Variants in KLHL1 observed in about 807,000 individuals in gnomAD.
KLHL1 encodes the protein kelch-like protein 1.
KLHL1 carries 47 observed loss-of-function variants against 77.7 expected under a neutral mutation model. The ratio of observed to expected loss-of-function variants is 0.60; its 90% CI spans 0.48 to 0.77. The LOEUF is 0.77. Ranked by LOEUF, KLHL1 falls within the 30% of genes least tolerant of loss-of-function variation. KLHL1 has a pLI of 0.00. For synonymous variants in KLHL1, 360 were observed against 325.2 expected (o/e 1.11, Z -1.15); for missense variants, 925 against 910.8 (o/e 1.02, Z -0.20).
intron 1 of KLHL1, among the ~76,000 whole-genome samples, chr13:70,057,440 CCT>C (rs1411224857): frequency 7.0e-6 from 1 of 142,846 alleles, no homozygotes; most frequent in Non-Finnish European, 1.5e-5. Flanking sequence ...GCCAGTATGC[CCT>C]GATATCATAA....
Position 70,072,446 on chromosome 13 carries a change from G to T in KLHL1, c.497+34757C>A, listed in dbSNP as rs117307682. Among the ~76,000 whole-genome samples, 932 of 152,154 alleles carry T rather than the reference G, an allele frequency of 6.1e-3. 9 individuals are homozygous for T. The highest frequency in any genetic ancestry group is 0.011 in the Non-Finnish European group (727 of 68,024). On this transcript the variant is annotated intron_variant, in intron 1 of 10. Transcript: ENST00000377844. The stretch of plus-strand genomic sequence containing the variant: ...TCTAATCATTCTGTGAAGTCATGAG[G>T]TCAGTATCCCAGTAAAACCAAAACC...
In KLHL1 at chr13:69,719,537, G is replaced by C; in HGVS notation, c.1847C>G (p.Ser616Ter). The C allele has an allele frequency of 6.2e-7, 1 of 1,613,138 alleles. No homozygotes were observed. The highest frequency in any genetic ancestry group is 8.5e-7 in the Non-Finnish European group (1 of 1,179,554). ...GGRDGSSCLSSMEYYDPHTNK... is the reference protein window; with the variant it reads ...GGRDGSSCLS ...TGTATGAGGATCATAATATTCCATT[G>C]AACTCAAACAGGAACTTCCATCACG... The change falls in exon 9 of 11, where the codon TCA becomes TGA. Residue 616 changes from serine to a stop codon, truncating the protein, a stop_gained. Coordinates refer to ENST00000377844, the MANE Select transcript of KLHL1 (RefSeq NM_020866.3). LOFTEE classifies it high-confidence loss of function.
intron 8 of KLHL1, among the ~76,000 whole-genome samples, chr13:69,730,833 G>T (rs1873511624): frequency 6.6e-6 from 1 of 152,040 alleles, no homozygotes; most frequent in African/African-American, 2.4e-5. Context: ...TCTCACCTCG[G>T]CCTCCCAAAA....
chr13:69,997,869 G>C (rs1010811777), intron 1 of KLHL1, among the ~76,000 whole-genome samples: 1 of 149,894 alleles, frequency 6.7e-6, no homozygotes, highest in Non-Finnish European at 1.5e-5. Context: ...TAGATATTTA[G>C]GTGTTTCCAT....
intron 6 of KLHL1, among the ~76,000 whole-genome samples, chr13:69,835,285 C>G (rs1218711761): frequency 6.6e-6 from 1 of 152,034 alleles, no homozygotes; most frequent in African/African-American, 2.4e-5. Context: ...TACCAGCCCA[C>G]CTGGGCAAAT....
rs142809901 is a variant in KLHL1, at chr13:69,709,798, T to C, written c.2016-2002A>G. On this transcript the variant is annotated intron_variant, in intron 9 of 10. Transcript: ENST00000377844. ...AATGGATGAAACAATAAGAACAAAT[T>C]TGTGATCGTTGTTGAAGCAGGGTAA... 6.8e-3 allele frequency among the ~76,000 whole-genome samples: 1,031 copies of C among 151,870 alleles called. 2 individuals carry two copies. Among genetic ancestry groups the C allele is most frequent in the Non-Finnish European group, 0.011 (721 of 67,858 alleles).
intron 6 of KLHL1, among the ~76,000 whole-genome samples, chr13:69,800,309 T>C (rs940058458): frequency 1.3e-5 from 2 of 152,176 alleles, no homozygotes; most frequent in Non-Finnish European, 2.9e-5. Context: ...ACTCTTTCTG[T>C]GTAACATAAC....
chr13:69,812,374 G>T (rs1316736404), intron 6 of KLHL1, among the ~76,000 whole-genome samples: 1 of 152,100 alleles, frequency 6.6e-6, no homozygotes, highest in South Asian at 2.1e-4. Context: ...AAAAATCCTA[G>T]AAGAAAACCT....
intron 6 of KLHL1, among the ~76,000 whole-genome samples, chr13:69,805,702 AC>A (rs999023377): frequency 4.6e-5 from 7 of 151,508 alleles, no homozygotes; most frequent in Admixed American, 6.6e-5. Context: ...AAAAAAAAAA[AC>A]AAAACAACAC....
rs111615081 is a variant in KLHL1, at chr13:69,897,085, C to A, written c.1015-14590G>T. The stretch of plus-strand genomic sequence containing the variant: ...TAGTGGTATTATCTAGTCAACCGAA[C>A]CCCTTGAAAGGATACCTGATAATTT... On this transcript the variant is annotated intron_variant, in intron 4 of 10. Coordinates refer to ENST00000377844, the MANE Select transcript of KLHL1 (RefSeq NM_020866.3). Among the ~76,000 whole-genome samples the A allele has an allele frequency of 8.1e-3, 1,235 of 152,118 alleles. 23 individuals carry two copies. Among genetic ancestry groups the A allele is most frequent in the African/African-American group, 0.028 (1,179 of 41,486 alleles).
At position 70,026,808 on chromosome 13, in the gene KLHL1, T is replaced by C. The variant is rs138286955; in HGVS notation, c.498-51006A>G. ...TGATAAAGAGGCAGAATCTGAACTG[T>C]ATGTTAATGGATAAAATATAGTGAA... On this transcript the variant is annotated intron_variant, in intron 1 of 10. Coordinates refer to ENST00000377844, the MANE Select transcript of KLHL1 (RefSeq NM_020866.3). Among the ~76,000 whole-genome samples the C allele has an allele frequency of 2.0e-5, 3 of 151,690 alleles. No individual in the cohort carries two copies. In the East Asian group the frequency reaches 5.8e-4, roughly 30 times the overall value.
intron 7 of KLHL1, among the ~76,000 whole-genome samples, chr13:69,763,707 G>T (rs1205841832): frequency 6.6e-6 from 1 of 152,150 alleles, no homozygotes; most frequent in Non-Finnish European, 1.5e-5. Flanking sequence ...ACAAAATGAT[G>T]GGAAGCCAAT....
chr13:69,974,426 A>G (rs1203453442), intron 2 of KLHL1, among the ~76,000 whole-genome samples: 1 of 151,594 alleles, frequency 6.6e-6, no homozygotes, highest in Admixed American at 6.6e-5. Flanking sequence ...ACTAATGTAT[A>G]TAAACAGTAA....
At chr13:69,858,274 CT>C (rs931030727) in intron 5 of KLHL1, among the ~76,000 whole-genome samples, 2 of 152,056 alleles carry the variant, frequency 1.3e-5, no homozygotes, top group African/African-American at 4.8e-5. Flanking sequence ...AGGAGAAAGA[CT>C]GGGGGTTGGG....
At chr13:70,004,956 C>T (rs184514511) in intron 1 of KLHL1, among the ~76,000 whole-genome samples, 40 of 151,356 alleles carry the variant, frequency 2.6e-4, no homozygotes, top group African/African-American at 6.8e-4. Flanking sequence ...ACAAATATTA[C>T]AAGTAATTTT....
intron 1 of KLHL1, among the ~76,000 whole-genome samples, chr13:70,105,489 A>C (rs1432275212): frequency 6.6e-6 from 1 of 151,488 alleles, no homozygotes; most frequent in African/African-American, 2.4e-5. Context: ...AGAATTTAAA[A>C]ATTGACAAAC....
chr13:69,761,886 T>C (rs1401103730), intron 7 of KLHL1, among the ~76,000 whole-genome samples: 1 of 152,204 alleles, frequency 6.6e-6, no homozygotes, highest in Non-Finnish European at 1.5e-5. Flanking sequence ...AAAATATATG[T>C]TGATGAGTGA....
intron 8 of KLHL1, among the ~76,000 whole-genome samples, chr13:69,727,050 T>C (rs55719033): frequency 0.078 from 11,921 of 152,168 alleles, 612 homozygotes; most frequent in Non-Finnish European, 0.11. Context: ...AAATTATTAA[T>C]TATGTGTCTC....
chr13:69,819,169 A>G (rs1018616933), intron 6 of KLHL1, among the ~76,000 whole-genome samples: 1 of 152,182 alleles, frequency 6.6e-6, no homozygotes, highest in Non-Finnish European at 1.5e-5. Flanking sequence ...CTCATTTTCC[A>G]TTTTTGCCTT....
Sources: gnomAD v4.1 joint callset for allele counts (sites outside exome capture counted in the v4.1 genomes callset) on GRCh38, gnomAD v4.1.1 for gene constraint, MANE v1.5 for transcripts, NCBI Gene and HGNC (gene_info 2026-07-23, HGNC 2026-07-21) for gene names.